ADAM2: variants seen among roughly 807,000 people sequenced by gnomAD.
ADAM2 encodes the protein disintegrin and metalloproteinase domain-containing protein 2.
A neutral mutation model predicts 99.3 loss-of-function variants in ADAM2; 101 were observed. The ratio of observed to expected loss-of-function variants is 1.02; its 90% CI spans 0.87 to 1.20. The LOEUF (loss-of-function observed/expected upper bound fraction) is 1.20. Among genes scored for constraint, ADAM2 ranks in the 50% most tolerant of loss-of-function variants. ADAM2 has a pLI of 0.00. For missense variants in ADAM2, 948 were observed against 878.7 expected, an observed-to-expected ratio of 1.08 and a Z score of -1.00; for synonymous variants, 323 against 287.6, an observed-to-expected ratio of 1.12 and a Z score of -1.25.
At chr8:39,806,521 C>A (rs1257381821) in intron 7 of ADAM2, among the ~76,000 whole-genome samples, 1 of 147,520 alleles carries the variant, frequency 6.8e-6, no homozygotes, top group Non-Finnish European at 1.5e-5. Context: ...TTATTATAAA[C>A]ATATTATATA....
At chr8:39,832,577 AT>A (rs1586168489) in intron 3 of ADAM2, among the ~76,000 whole-genome samples, 1 of 152,168 alleles carries the variant, frequency 6.6e-6, no homozygotes. Flanking sequence ...TTGATTTGTA[AT>A]ATTCTATTTC....
chr8:39,744,553 A>G (rs1823369493), intron 20 of ADAM2, among the ~76,000 whole-genome samples: 1 of 152,078 alleles, frequency 6.6e-6, no homozygotes, highest in Non-Finnish European at 1.5e-5. Context: ...CAAACACCGC[A>G]TGTTCTCACT....
chr8:39,807,297 T>A (rs1804481300), intron 7 of ADAM2, among the ~76,000 whole-genome samples: 1 of 152,220 alleles, frequency 6.6e-6, no homozygotes, highest in African/African-American at 2.4e-5. Context: ...GAGGGGAATT[T>A]TGCCTCAGTA....
intron 7 of ADAM2, among the ~76,000 whole-genome samples, chr8:39,804,367 T>C (rs1804348752): frequency 1.3e-5 from 2 of 152,046 alleles, no homozygotes; most frequent in South Asian, 4.2e-4. Flanking sequence ...GGATATGTGG[T>C]TTTCAATGGA....
In ADAM2 at chr8:39,755,750, C is replaced by A; in HGVS notation, c.1775G>T (p.Gly592Val). Residue 592 changes from glycine (G) to valine (V), a missense_variant, in exon 16 of 21, where the codon GGA (glycine) becomes GTA (valine). Transcript: ENST00000265708. ...ADSQKMWIKD[G>V]TSCGSNKVCR... ...TACCTTATTTGAACCACAAGAAGTT[C>A]CATCTTTTATCCACATCTTTTGGCT... 3 of 1,612,606 alleles carry A rather than the reference C, an allele frequency of 1.9e-6. No individual in the cohort carries two copies. Among genetic ancestry groups the A allele is most frequent in the Non-Finnish European group, 2.5e-6 (3 of 1,179,394 alleles).
At chr8:39,837,329 A>T in intron 1 of ADAM2, 117 bp from the exon 2 acceptor site, 4 of 590,972 alleles carry the variant, frequency 6.8e-6, no homozygotes, top group South Asian at 3.1e-5. Context: ...CATTTTTATT[A>T]TCTTCCCATT....
chr8:39,834,023 T>A (rs201294436), intron 2 of ADAM2, 24 bp from the exon 3 acceptor site: 9 of 1,445,122 alleles, frequency 6.2e-6, no homozygotes, highest in Non-Finnish European at 8.7e-6. Context: ...ACAGTAAAAA[T>A]ACAAAGAAAA....
In ADAM2 at chr8:39,791,866, G is replaced by A. The variant is rs78724880; in HGVS notation, c.571-3126C>T. On this transcript the variant is annotated intron_variant, in intron 7 of 20. Coordinates refer to ENST00000265708, the MANE Select transcript of ADAM2 (RefSeq NM_001464.5). The stretch of plus-strand genomic sequence containing the variant: ...TATTGGTCAAAGGAATCTCAGAGCC[G>A]AGCCACAACTTGACTGATGGGCATG... Among the ~76,000 whole-genome samples, 279 of 152,072 alleles carry A rather than the reference G, an allele frequency of 1.8e-3. 8 individuals are homozygous for A. Among genetic ancestry groups the A allele is most frequent in the Admixed American group, 0.015 (228 of 15,248 alleles).
chr8:39,787,935 A>G lies in ADAM2; in HGVS notation c.809+150T>C, dbSNP rs747418040. ...AAATAAATTGATATCAGTAATTCCA[A>G]TATAAATACCATGTTGTGAAAAATA... On this transcript the variant is annotated intron_variant, in intron 9 of 20. Coordinates refer to ENST00000265708, the MANE Select transcript of ADAM2 (RefSeq NM_001464.5). 10 of 494,582 alleles carry G rather than the reference A, an allele frequency of 2.0e-5. No individual in the cohort carries two copies. The Admixed American group carries it at 3.3e-4, about 16-fold the overall frequency. The allele number at this position is 494,582 out of a possible 1,614,324, so 30.6% of individuals were successfully genotyped here.
chr8:39,772,280 A>G (rs1442939205), intron 11 of ADAM2, among the ~76,000 whole-genome samples: 1 of 151,846 alleles, frequency 6.6e-6, no homozygotes, highest in Non-Finnish European at 1.5e-5. Flanking sequence ...GCATGACTTC[A>G]TTGTACAATG....
chr8:39,810,525 T>C (rs1804652825), intron 6 of ADAM2, among the ~76,000 whole-genome samples: 1 of 152,180 alleles, frequency 6.6e-6, no homozygotes, highest in South Asian at 2.1e-4. Flanking sequence ...ATTGACCACA[T>C]AGTTGGAAGT....
intron 7 of ADAM2, among the ~76,000 whole-genome samples, chr8:39,806,586 G>A (rs1403055572): frequency 1.3e-5 from 2 of 150,700 alleles, no homozygotes; most frequent in African/African-American, 4.9e-5. Flanking sequence ...TTTATTAGAG[G>A]TAAAACTTGT....
chr8:39,818,795 T>G (rs1805057033), intron 6 of ADAM2, among the ~76,000 whole-genome samples: 3 of 151,934 alleles, frequency 2.0e-5, no homozygotes, highest in Admixed American at 2.0e-4. Flanking sequence ...TGATATAAAA[T>G]TTAAATAACA....
intron 7 of ADAM2, among the ~76,000 whole-genome samples, chr8:39,795,956 A>G (rs1417066380): frequency 6.6e-6 from 1 of 152,074 alleles, no homozygotes; most frequent in African/African-American, 2.4e-5. Context: ...TGCAAACCCA[A>G]TGGTCTTTCC....
chr8:39,754,780 AG>A (rs1802082691), intron 16 of ADAM2, among the ~76,000 whole-genome samples: 3 of 152,132 alleles, frequency 2.0e-5, no homozygotes, highest in African/African-American at 7.2e-5. Flanking sequence ...GACTAATTTG[AG>A]CTTGCACCTC....
At chr8:39,775,902 CAT>C (rs1802968465) in intron 11 of ADAM2, among the ~76,000 whole-genome samples, 1 of 152,052 alleles carries the variant, frequency 6.6e-6, no homozygotes, top group Non-Finnish European at 1.5e-5. Flanking sequence ...ACTTCAATAA[CAT>C]AGCAACTTAC....
At chr8:39,757,777 G>T (rs12548821) in intron 15 of ADAM2, among the ~76,000 whole-genome samples, 1 of 151,818 alleles carries the variant, frequency 6.6e-6, no homozygotes, top group Non-Finnish European at 1.5e-5. Flanking sequence ...TGCAATTTCC[G>T]TTATGTATTA....
Position 39,796,521 on chromosome 8 carries a change from G to A in ADAM2, c.571-7781C>T, listed in dbSNP as rs150232051. 2.8e-3 allele frequency among the ~76,000 whole-genome samples: 425 copies of A among 152,124 alleles called. 2 individuals carry two copies. The highest frequency in any genetic ancestry group is 9.9e-3 in the African/African-American group (410 of 41,536). On this transcript the variant is annotated intron_variant, in intron 7 of 20. Coordinates refer to ENST00000265708, the MANE Select transcript of ADAM2 (RefSeq NM_001464.5). ...AAACATACATGAGCATGTGTCTTTA[G>A]GGTAGAATGATTTATATTCCTTTGA...
Position 39,746,561 on chromosome 8 carries a change from G to A in ADAM2, c.2085C>T (p.Phe695=). 6.2e-7 allele frequency: 1 copy of A among 1,606,160 alleles called. No homozygotes were observed. The highest frequency in any genetic ancestry group is 8.5e-7 in the Non-Finnish European group (1 of 1,175,950). The change falls in exon 19 of 21, where the codon TTC becomes TTT. Residue 695 remains phenylalanine, a synonymous_variant. Transcript: ENST00000265708. ...MRWPFFLFIP[F]FIIFCVLIAI... The stretch of plus-strand genomic sequence containing the variant: ...CAATCAGTACACAGAAAATAATAAA[G>A]AAAGGAATGAATAAGAAAAATGGCC...
Sources: allele counts gnomAD v4.1 joint callset (sites outside exome capture counted in the v4.1 genomes callset), GRCh38; gene constraint gnomAD v4.1.1; transcripts MANE v1.5; gene names NCBI Gene and HGNC (gene_info 2026-07-23, HGNC 2026-07-21).